NRXN3: variants seen among roughly 807,000 people sequenced by gnomAD.
NRXN3 encodes the protein neurexin 3, also known as neurexin III.
Under a neutral mutation model 137.6 loss-of-function variants are expected in NRXN3, and 32 were observed. The observed-to-expected ratio is 0.23, with a 90% CI of 0.18 to 0.31. The LOEUF (loss-of-function observed/expected upper bound fraction) is 0.31. NRXN3 is among the 10% of genes least tolerant of loss of function. The pLI is 1.00. For synonymous variants in NRXN3, 798 were observed against 784.5 expected (o/e 1.02, Z -0.29); for missense variants, 1,574 against 2,062.5 (o/e 0.76, Z 4.59).
intron 8 of NRXN3, among the ~76,000 whole-genome samples, chr14:78,761,191 A>G (rs1376670716): frequency 6.6e-6 from 1 of 152,136 alleles, no homozygotes; most frequent in African/African-American, 2.4e-5. Flanking sequence ...TTTTCCACCC[A>G]CCATTCACAA....
chr14:78,440,512 G>A (rs565589439), intron 4 of NRXN3, among the ~76,000 whole-genome samples: 2 of 152,198 alleles, frequency 1.3e-5, no homozygotes, highest in Admixed American at 6.5e-5. Flanking sequence ...TCTTGGGCAC[G>A]GAGTTTATCT....
At chr14:79,530,703 G>T (rs182363456) in intron 16 of NRXN3, among the ~76,000 whole-genome samples, 1 of 151,918 alleles carries the variant, frequency 6.6e-6, no homozygotes, top group African/African-American at 2.4e-5. Context: ...AAATTAGTGG[G>T]AAACCAAGGA....
chr14:78,991,681 T>A (rs1301998161), intron 15 of NRXN3, among the ~76,000 whole-genome samples: 25 of 152,246 alleles, frequency 1.6e-4, no homozygotes, highest in Non-Finnish European at 1.5e-5. Context: ...TAATCATATG[T>A]AGGCATGACT....
At chr14:78,953,647 G>A (rs2099391183) in intron 10 of NRXN3, among the ~76,000 whole-genome samples, 1 of 152,200 alleles carries the variant, frequency 6.6e-6, no homozygotes, top group Non-Finnish European at 1.5e-5. Context: ...TTCCAGGCAT[G>A]AGTGTCATTA....
At chr14:79,067,951 GA>G (rs539351892) in intron 15 of NRXN3, among the ~76,000 whole-genome samples, 11 of 152,018 alleles carry the variant, frequency 7.2e-5, no homozygotes, top group Non-Finnish European at 1.3e-4. Context: ...AGAGGATTAT[GA>G]GAACAGACAT....
At position 79,348,698 on chromosome 14, in the gene NRXN3, T is replaced by C. The variant is rs577196767; in HGVS notation, c.3263-118523T>C. On this transcript the variant is annotated intron_variant, in intron 15 of 20. Transcript: ENST00000335750. ...GGCCTAATCTTCTTAATTTGTCACT[T>C]AGAGTAGGGCAGTCGCCACAATATG... Among the ~76,000 whole-genome samples, 135 of 152,270 alleles carry C rather than the reference T, an allele frequency of 8.9e-4. 1 individual carries two copies. Among genetic ancestry groups the C allele is most frequent in the Non-Finnish European group, 1.1e-3 (77 of 68,020 alleles).
At chr14:79,292,944 G>A (rs1010518302) in intron 15 of NRXN3, among the ~76,000 whole-genome samples, 3 of 152,150 alleles carry the variant, frequency 2.0e-5, no homozygotes, top group Admixed American at 6.5e-5. Context: ...TGTTGTCACA[G>A]GCTCATGTCA....
intron 1 of NRXN3, among the ~76,000 whole-genome samples, chr14:78,207,353 C>T (rs2062302923): frequency 6.6e-6 from 1 of 152,148 alleles, no homozygotes; most frequent in African/African-American, 2.4e-5. Context: ...TCTGTGATAT[C>T]TTTTCTAATC....
chr14:79,411,062 C>T (rs755960762), intron 15 of NRXN3, among the ~76,000 whole-genome samples: 1 of 152,012 alleles, frequency 6.6e-6, no homozygotes, highest in Non-Finnish European at 1.5e-5. Context: ...TTCTGTGCAC[C>T]ACTAGTAGGT....
chr14:78,975,093 A>G (rs973630876), intron 14 of NRXN3, among the ~76,000 whole-genome samples: 5 of 152,196 alleles, frequency 3.3e-5, no homozygotes, highest in Non-Finnish European at 7.4e-5. Flanking sequence ...CCTGTGTATC[A>G]GGGACTAGGT....
chr14:78,190,317 A>G (rs939556787), intron 1 of NRXN3, among the ~76,000 whole-genome samples: 1 of 152,216 alleles, frequency 6.6e-6, no homozygotes, highest in Non-Finnish European at 1.5e-5. Flanking sequence ...TGCATTGCAA[A>G]ATAACAACAC....
chr14:78,477,560 T>C (rs1050222105), intron 4 of NRXN3, among the ~76,000 whole-genome samples: 4 of 152,208 alleles, frequency 2.6e-5, no homozygotes, highest in African/African-American at 4.8e-5. Flanking sequence ...GAAAATTTGT[T>C]TCATGACCAA....
intron 16 of NRXN3, among the ~76,000 whole-genome samples, chr14:79,469,574 TATCAAA>T (rs2096472641): frequency 6.6e-6 from 1 of 151,998 alleles, no homozygotes; most frequent in Non-Finnish European, 1.5e-5. Flanking sequence ...AGACATTTTA[TATCAAA>T]ATGTAAAGAG....
intron 1 of NRXN3, among the ~76,000 whole-genome samples, chr14:78,208,812 C>T (rs2062457841): frequency 6.6e-6 from 1 of 152,218 alleles, no homozygotes; most frequent in Non-Finnish European, 1.5e-5. Flanking sequence ...ACATGGTAAG[C>T]TCACAGCAAG....
At chr14:79,160,429 G>A (rs2153060463) in intron 15 of NRXN3, among the ~76,000 whole-genome samples, 1 of 151,926 alleles carries the variant, frequency 6.6e-6, no homozygotes, top group South Asian at 2.1e-4. Flanking sequence ...TTATTCACCT[G>A]CATCCTCACA....
intron 16 of NRXN3, among the ~76,000 whole-genome samples, chr14:79,530,503 TG>T (rs1167217784): frequency 1.3e-5 from 2 of 152,086 alleles, no homozygotes; most frequent in African/African-American, 4.8e-5. Flanking sequence ...AAATGTTTTC[TG>T]TACCATCTCT....
At chr14:79,531,957 C>G (rs1023850748) in intron 16 of NRXN3, among the ~76,000 whole-genome samples, 23 of 151,810 alleles carry the variant, frequency 1.5e-4, no homozygotes, top group Admixed American at 1.3e-4. Flanking sequence ...ATCCATGTGT[C>G]CCTCTATATC....
chr14:78,645,242 G>A lies in NRXN3; in HGVS notation c.880G>A (p.Gly294Ser), dbSNP rs1312815727. Residue 294 changes from glycine to serine, a missense_variant, in exon 5 of 21, where the codon GGC (glycine) becomes AGC (serine). Around this residue, in one of 5 missense-constraint regions of NRXN3, gnomAD observed 400 missense variants for 527.3 expected, o/e 0.76. Coordinates refer to ENST00000335750, the MANE Select transcript of NRXN3 (RefSeq NM_001330195.2). ...CTCCTTTAAGACCTGGCAGCGTAAC[G>A]GCCTCATCCTGCACACGGGCAAGTC... The part of the protein sequence containing the change: ...TLSFKTWQRN[G>S]LILHTGKSAD... 2 of 1,598,782 alleles carry A rather than the reference G, an allele frequency of 1.3e-6. No homozygotes were observed. Among genetic ancestry groups the A allele is most frequent in the Non-Finnish European group, 1.7e-6 (2 of 1,179,790 alleles).
chr14:78,296,508 C>G (rs1237388687), intron 3 of NRXN3, among the ~76,000 whole-genome samples: 2 of 152,176 alleles, frequency 1.3e-5, no homozygotes, highest in African/African-American at 4.8e-5. Flanking sequence ...CTATACCCTT[C>G]CCCCACAAAA....
Sources: allele counts gnomAD v4.1 joint callset (sites outside exome capture counted in the v4.1 genomes callset), GRCh38; gene constraint gnomAD v4.1.1; regional missense constraint gnomAD v4.1.1; transcripts MANE v1.5; gene names NCBI Gene and HGNC (gene_info 2026-07-23, HGNC 2026-07-21).